Variants in ZMAT1 observed in about 807,000 individuals in gnomAD.
ZMAT1 encodes zinc finger matrin-type protein 1.
Under a neutral mutation model 18.5 loss-of-function variants are expected in ZMAT1, and 11 were observed. The ratio of observed to expected loss-of-function variants is 0.59; its 90% CI spans 0.37 to 0.98. The LOEUF (loss-of-function observed/expected upper bound fraction) is 0.98, where lower values mean the gene tolerates loss of function less well. ZMAT1 is among the 50% of genes least tolerant of loss of function. The pLI is 0.01. For missense variants in ZMAT1, 525 were observed against 496.2 expected (o/e 1.06, Z -0.55); for synonymous variants, 211 against 176.4 (o/e 1.20, Z -1.55).
Position 101,898,948 on chromosome X carries a change from T to C in ZMAT1, c.400-728A>G, listed in dbSNP as rs775057218. 8.1e-5 allele frequency among the ~76,000 whole-genome samples: 9 copies of C among 110,955 alleles called. No individual in the cohort carries two copies. The South Asian group carries it at 3.1e-3, about 38-fold the overall frequency. ...CTGTAATCTCAGCTACTCAGGAGGC[T>C]GAGGCAGGAGAATCACTTGAACCCG... On this transcript the variant is annotated intron_variant, in intron 2 of 5. Coordinates refer to ENST00000651725, the MANE Select transcript of ZMAT1 (RefSeq NM_001394560.1).
At chrX:101,908,672 A>C (rs1928763123) in intron 1 of ZMAT1, among the ~76,000 whole-genome samples, 1 of 111,414 alleles carries the variant, frequency 9.0e-6, no homozygotes, top group African/African-American at 3.3e-5. Context: ...AAGCAGACCA[A>C]ACTCAGCTGG....
chrX:101,918,869 C>T (rs749555182), intron 1 of ZMAT1, among the ~76,000 whole-genome samples: 13 of 105,769 alleles, frequency 1.2e-4, no homozygotes, highest in African/African-American at 4.1e-4. Flanking sequence ...AATATCAATG[C>T]TTTTTTTTTT....
intron 1 of ZMAT1, among the ~76,000 whole-genome samples, chrX:101,929,452 TA>T (rs1642166385): frequency 4.9e-5 from 3 of 60,871 alleles, no homozygotes; most frequent in African/African-American, 2.4e-4. Context: ...TATATATATA[TA>T]TATACACACA....
At chrX:101,915,519 T>C (rs976299804) in intron 1 of ZMAT1, 4 of 111,536 alleles carry the variant, frequency 3.6e-5, no homozygotes, top group Non-Finnish European at 5.7e-5. Flanking sequence ...AAAATCAACA[T>C]ACAAAAAGGA....
rs375149998 is a variant in ZMAT1, at chrX:101,900,730, T to C, written c.400-2510A>G. On this transcript the variant is annotated intron_variant, in intron 2 of 5. Coordinates refer to ENST00000651725, the MANE Select transcript of ZMAT1 (RefSeq NM_001394560.1). The stretch of plus-strand genomic sequence containing the variant: ...CCTTATAGTATAGTTTGAAATCAGG[T>C]AGTGTGATGCCTCTAGATTTGTTCT... Among the ~76,000 whole-genome samples, 7 of 112,142 alleles carry C rather than the reference T, an allele frequency of 6.2e-5. No homozygotes were observed. The East Asian group carries it at 1.7e-3, about 27-fold the overall frequency.
intron 1 of ZMAT1, among the ~76,000 whole-genome samples, chrX:101,909,518 C>T (rs1283121337): frequency 8.9e-6 from 1 of 111,885 alleles, no homozygotes; most frequent in Admixed American, 9.4e-5. Context: ...CTGGGACTGC[C>T]CTGGGCCAGA....
intron 1 of ZMAT1, among the ~76,000 whole-genome samples, chrX:101,929,045 G>T (rs1930244634): frequency 9.2e-6 from 1 of 108,193 alleles, no homozygotes; most frequent in African/African-American, 3.4e-5. Context: ...TCTATTTCTA[G>T]GTTTACTGCT....
intron 1 of ZMAT1, among the ~76,000 whole-genome samples, chrX:101,907,815 G>T (rs1220103446): frequency 9.0e-6 from 1 of 111,061 alleles, no homozygotes; most frequent in East Asian, 2.8e-4. Context: ...AATTGATCAG[G>T]CAAAAGAAAT....
At chrX:101,927,231 G>T (rs1202328378) in intron 1 of ZMAT1, among the ~76,000 whole-genome samples, 3 of 112,335 alleles carry the variant, frequency 2.7e-5, no homozygotes, top group Non-Finnish European at 5.6e-5. Context: ...ACAGCACTAA[G>T]TTATAGGAGA....
At chrX:101,904,122 TCACAGGA>T in intron 2 of ZMAT1, 95 bp downstream of exon 2, 3 of 555,999 alleles carry the variant, frequency 5.4e-6, no homozygotes, top group Admixed American at 4.4e-5. Context: ...ACTACCTTTT[TCACAGGA>T]TTCTCATAAG....
At chrX:101,895,870 A>C in intron 4 of ZMAT1, 1 of 750,397 alleles carries the variant, frequency 1.3e-6, no homozygotes, top group Non-Finnish European at 1.6e-6. Flanking sequence ...AGAAGTAGTA[A>C]GAGGCACTCC....
At chrX:101,896,198 G>T (rs1311823750) in intron 4 of ZMAT1, among the ~76,000 whole-genome samples, 1 of 111,610 alleles carries the variant, frequency 9.0e-6, no homozygotes, top group Non-Finnish European at 1.9e-5. Context: ...AATTAGTGAG[G>T]ATAAAACATA....
At chrX:101,894,250 C>G (rs1180413771) in intron 4 of ZMAT1, among the ~76,000 whole-genome samples, 1 of 111,270 alleles carries the variant, frequency 9.0e-6, no homozygotes, top group African/African-American at 3.3e-5. Flanking sequence ...CTAACAAGTT[C>G]CCAGGTGATG....
Position 101,914,978 on chromosome X carries a change from G to A in ZMAT1, c.293-10648C>T, listed in dbSNP as rs960388676. On this transcript the variant is annotated intron_variant, in intron 1 of 5. Coordinates refer to ENST00000651725, the MANE Select transcript of ZMAT1 (RefSeq NM_001394560.1). ...ACAGAATTCAACACTACATTAGAAC[G>A]ATCATTCATCATGACCTAGTAGGAT... Among the ~76,000 whole-genome samples, 6 of 111,371 alleles carry A rather than the reference G, an allele frequency of 5.4e-5. No individual in the cohort carries two copies. The East Asian group carries it at 1.1e-3, about 21-fold the overall frequency.
chrX:101,910,380 C>T (rs1603280651), intron 1 of ZMAT1, among the ~76,000 whole-genome samples: 2 of 112,229 alleles, frequency 1.8e-5, no homozygotes, highest in African/African-American at 3.2e-5. Flanking sequence ...AGAACATCTA[C>T]TAGCATCAAC....
Position 101,884,247 on chromosome X carries a change from C to G in ZMAT1, c.1351G>C (p.Asp451His), listed in dbSNP as rs1926733240. ...ACTTTTATGTAATCTTCAAGTTCATCTTGGAAAGAATCATATGTCCTCTTT... is the reference window on the plus strand; with the variant it reads ...ACTTTTATGTAATCTTCAAGTTCATGTTGGAAAGAATCATATGTCCTCTTT... Reference protein sequence around the residue: ...HSKRTYDSFQDELEDYIKVQK... With the variant: ...HSKRTYDSFQHELEDYIKVQK... The change falls in exon 6 of 6, where the codon GAT becomes CAT. Residue 451 changes from aspartate to histidine, a missense_variant. Coordinates refer to ENST00000651725, the MANE Select transcript of ZMAT1 (RefSeq NM_001394560.1). 8.3e-7 allele frequency: 1 copy of G among 1,209,987 alleles called. No homozygotes were observed. Among genetic ancestry groups the G allele is most frequent in the East Asian group, 3.0e-5 (1 of 33,708 alleles).
In ZMAT1 at chrX:101,883,511, C is replaced by T; in HGVS notation, c.2087G>A (p.Ter696=). The T allele has an allele frequency of 8.7e-7, 1 of 1,144,946 alleles. No individual in the cohort carries two copies. Among genetic ancestry groups the T allele is most frequent in the Non-Finnish European group, 1.2e-6 (1 of 864,649 alleles). The allele number at this position is 1,144,946 out of a possible 1,213,427, so 94.4% of individuals were successfully genotyped here. A position where few individuals can be genotyped will look rare whatever the true frequency, so the allele number is the denominator to read the frequency against. Residue 696 remains the stop codon, a stop_retained_variant, in exon 6 of 6, where the codon TGA becomes TAA. Coordinates refer to ENST00000651725, the MANE Select transcript of ZMAT1 (RefSeq NM_001394560.1). ...MLWDESILGF[*] is the part of the protein sequence containing the mutation. ...CCTTGGGTAAACAAAACTAAACATT[C>T]AAAATCCAAGAATAGACTCATCCCA...
intron 4 of ZMAT1, chrX:101,887,129 C>T: frequency 2.0e-6 from 1 of 500,552 alleles, no homozygotes; most frequent in Non-Finnish European, 2.5e-6. Flanking sequence ...ACTCTGTTTC[C>T]ACCCAACCAA....
At chrX:101,926,936 C>G (rs1346376201) in intron 1 of ZMAT1, among the ~76,000 whole-genome samples, 4 of 112,063 alleles carry the variant, frequency 3.6e-5, no homozygotes, top group African/African-American at 1.3e-4. Flanking sequence ...ATAAAGGATT[C>G]GTTGTATACC....
Sources: gnomAD v4.1 joint callset for allele counts (sites outside exome capture counted in the v4.1 genomes callset) on GRCh38, gnomAD v4.1.1 for gene constraint, MANE v1.5 for transcripts, NCBI Gene and HGNC (gene_info 2026-07-23, HGNC 2026-07-21) for gene names.